IGSF11: variants seen among roughly 807,000 people sequenced by gnomAD.
IGSF11 encodes the protein CXADR like 1.
IGSF11 carries 22 observed loss-of-function variants against 41.0 expected under a neutral mutation model. The observed-to-expected ratio is 0.54, with a 90% confidence interval of 0.38 to 0.77. The LOEUF is 0.77. Among genes scored for constraint, IGSF11 ranks in the 30% least tolerant of loss-of-function variants. The probability of loss-of-function intolerance (pLI) is 0.00; values close to 1 mark genes in which losing one functional copy is unlikely to be tolerated. For missense variants in IGSF11, 444 were observed against 530.8 expected (o/e 0.84, Z 1.61); for synonymous variants, 219 against 201.3 (o/e 1.09, Z -0.74).
At chr3:119,067,625 A>G (rs1003193183) in intron 1 of IGSF11, among the ~76,000 whole-genome samples, 26 of 151,796 alleles carry the variant, frequency 1.7e-4, no homozygotes, top group African/African-American at 6.3e-4. Flanking sequence ...TACTGTGGGG[A>G]AAAAACTTTA....
chr3:119,066,107 T>A (rs1353508455), intron 1 of IGSF11, among the ~76,000 whole-genome samples: 1 of 152,186 alleles, frequency 6.6e-6, no homozygotes, highest in Non-Finnish European at 1.5e-5. Flanking sequence ...CCCCTTTTCA[T>A]AACTAATGCA....
intron 1 of IGSF11, among the ~76,000 whole-genome samples, chr3:118,941,468 G>A (rs1943696863): frequency 6.6e-6 from 1 of 152,122 alleles, no homozygotes; most frequent in African/African-American, 2.4e-5. Flanking sequence ...ACACGACAAT[G>A]CTAAGTGTTG....
chr3:119,121,264 G>A (rs11914494), intron 1 of IGSF11, among the ~76,000 whole-genome samples: 2,598 of 152,166 alleles, frequency 0.017, 67 homozygotes, highest in African/African-American at 0.06. Flanking sequence ...TGTTAAATTA[G>A]CTACTATTAA....
intron 1 of IGSF11, among the ~76,000 whole-genome samples, chr3:119,119,772 G>C (rs1229491141): frequency 6.6e-6 from 1 of 152,136 alleles, no homozygotes; most frequent in African/African-American, 2.4e-5. Context: ...GGTGGGGGAG[G>C]GGGGTTATCC....
chr3:118,942,594 T>A (rs937013740), intron 1 of IGSF11, among the ~76,000 whole-genome samples: 1 of 152,208 alleles, frequency 6.6e-6, no homozygotes, highest in Non-Finnish European at 1.5e-5. Context: ...AGACTCATAA[T>A]GTGGGAATTC....
rs555580572 is a variant in IGSF11 at position 119,080,995 on chromosome 3, T to C, written c.49+24149A>G. 3.9e-5 allele frequency among the ~76,000 whole-genome samples: 6 copies of C among 152,278 alleles called. No individual in the cohort carries two copies. In the South Asian group the frequency reaches 1.0e-3, roughly 26 times the overall value. On this transcript the variant is annotated intron_variant, in intron 1 of 6. Coordinates refer to the IGSF11 transcript ENST00000354673. The stretch of plus-strand genomic sequence containing the variant: ...TTTTTCAATGTATTAATTTTCATTT[T>C]AGGGAAATATATTGGTACCTCTCAG...
rs574940910 is a variant in IGSF11, at chr3:118,925,896, G to GA, written c.580+204dup. 2.1e-4 allele frequency: 69 copies of GA among 333,042 alleles called. No homozygotes were observed. In the Middle Eastern group the frequency reaches 4.1e-3, roughly 20 times the overall value. 20.6% of individuals were successfully genotyped at this position (333,042 alleles called of 1,614,324 possible). A position where few individuals can be genotyped will look rare whatever the true frequency, so the allele number is the denominator to read the frequency against. ...CAGTTTCCATATATAGTTACCACTG[G>GA]ATGAAATACATTTCATAAAGGCAAT... is the stretch of plus-strand genomic sequence containing the variant. On this transcript the variant is annotated intron_variant, in intron 4 of 6. Coordinates refer to ENST00000393775, the MANE Select transcript of IGSF11 (RefSeq NM_001015887.3).
upstream of IGSF11, among the ~76,000 whole-genome samples, chr3:119,039,537 T>C (rs1941037823): frequency 6.6e-6 from 1 of 152,154 alleles, no homozygotes; most frequent in Non-Finnish European, 1.5e-5. Flanking sequence ...TAGGAGGTAA[T>C]ATATTCACAG....
Position 118,923,140 on chromosome 3 carries a change from C to T in IGSF11, c.580+2961G>A, listed in dbSNP as rs968004858. ...TCTGTTCCAGGAAGCTTTTCTGAGC[C>T]TTGGGGAACTGGCTTTCAATGAATG... On this transcript the variant is annotated intron_variant, in intron 4 of 6. Transcript: ENST00000393775. Among the ~76,000 whole-genome samples the T allele has an allele frequency of 3.3e-5, 5 of 152,232 alleles. 1 individual carries two copies. The highest frequency in any genetic ancestry group is 1.9e-4 in the East Asian group (1 of 5,186).
intron 1 of IGSF11, among the ~76,000 whole-genome samples, chr3:119,032,989 C>A (rs1247678198): frequency 6.6e-6 from 1 of 152,154 alleles, no homozygotes. Flanking sequence ...ATTGCCAAAA[C>A]TGAGAAGTCC....
chr3:118,916,957 T>C (rs1011863743), intron 4 of IGSF11, among the ~76,000 whole-genome samples: 32 of 152,070 alleles, frequency 2.1e-4, no homozygotes, highest in African/African-American at 6.3e-4. Flanking sequence ...AGAATCTCAC[T>C]CAAAACTGCT....
chr3:118,902,466 CTTGTATG>C lies in IGSF11; in HGVS notation c.*47_*53del. 1 of 878,270 alleles carries C rather than the reference CTTGTATG, an allele frequency of 1.1e-6. No homozygotes were observed. Among genetic ancestry groups the C allele is most frequent in the Non-Finnish European group, 1.8e-6 (1 of 544,884 alleles). The allele number at this position is 878,270 out of a possible 1,614,324, so 54.4% of individuals were successfully genotyped here. ...CAGCACTCCCCACCCCACCCTCCCC[CTTGTATG>C]AGGGCATTCCATTTATTCATTTCTG... On this transcript the variant is annotated 3_prime_UTR_variant, in exon 7 of 7. Transcript: ENST00000393775.
intron 1 of IGSF11, among the ~76,000 whole-genome samples, chr3:118,934,477 C>T (rs1943092199): frequency 6.6e-6 from 1 of 152,152 alleles, no homozygotes. Context: ...TGCCTTGATG[C>T]CTTATTCTAA....
chr3:118,910,508 G>T (rs1940143524), intron 4 of IGSF11, among the ~76,000 whole-genome samples: 1 of 152,112 alleles, frequency 6.6e-6, no homozygotes, highest in African/African-American at 2.4e-5. Context: ...TCTTGATGGG[G>T]CTATTAACAA....
intron 1 of IGSF11, chr3:118,981,765 A>G (rs917164432): frequency 1.3e-5 from 2 of 152,360 alleles, no homozygotes; most frequent in Non-Finnish European, 2.9e-5. Flanking sequence ...AAACCCACCA[A>G]TTAGAACTCC....
chr3:119,060,900 T>C (rs1335333039), intron 1 of IGSF11, among the ~76,000 whole-genome samples: 1 of 152,180 alleles, frequency 6.6e-6, no homozygotes, highest in Admixed American at 6.5e-5. Context: ...TAAAATTAAA[T>C]AGATAACCCA....
Position 118,902,691 on chromosome 3 carries a change from T to C in IGSF11, c.1125A>G (p.Thr375=), listed in dbSNP as rs565614597. 6.2e-7 allele frequency: 1 copy of C among 1,614,172 alleles called. No individual in the cohort carries two copies. Among genetic ancestry groups the C allele is most frequent in the East Asian group, 2.2e-5 (1 of 44,866 alleles). The part of the protein sequence containing the change: ...VPGQHKTLVV[T]ANRGSSPQVM... ...CCTGTGGTGATGACCCTCTGTTGGC[T>C]GTCACTACCAGAGTCTTATGTTGAC... The change falls in exon 7 of 7, where the codon ACA becomes ACG. Residue 375 remains threonine, a synonymous_variant. Coordinates refer to ENST00000393775, the MANE Select transcript of IGSF11 (RefSeq NM_001015887.3).
At chr3:119,027,701 C>G (rs1168027814) in intron 1 of IGSF11, among the ~76,000 whole-genome samples, 1 of 152,170 alleles carries the variant, frequency 6.6e-6, no homozygotes, top group African/African-American at 2.4e-5. Flanking sequence ...AAGCTCTTTG[C>G]AGTCCTCAAT....
At chr3:119,000,938 T>C (rs1216150132) in intron 1 of IGSF11, among the ~76,000 whole-genome samples, 2 of 152,190 alleles carry the variant, frequency 1.3e-5, no homozygotes, top group Non-Finnish European at 2.9e-5. Flanking sequence ...CTCACAAGGT[T>C]CTGTGCTGTC....
Sources: allele counts gnomAD v4.1 joint callset (sites outside exome capture counted in the v4.1 genomes callset), GRCh38; gene constraint gnomAD v4.1.1; transcripts MANE v1.5; gene names NCBI Gene and HGNC (gene_info 2026-07-23, HGNC 2026-07-21).